Variants in NUTF2 observed in about 807,000 individuals in gnomAD.
The protein encoded by NUTF2 is placental protein 15.
In NUTF2, 3 loss-of-function variants were observed where a neutral mutation model predicts 18.5. The observed-to-expected ratio is 0.16, with a 90% CI of 0.07 to 0.42. The LOEUF (loss-of-function observed/expected upper bound fraction) is 0.42. NUTF2 is among the 10% of genes least tolerant of loss of function. The probability of loss-of-function intolerance (pLI) is 0.99; values close to 1 mark genes in which losing one functional copy is unlikely to be tolerated. For synonymous variants in NUTF2, 51 were observed against 57.9 expected, an observed-to-expected ratio of 0.88 and a Z score of 0.54; for missense variants, 44 against 160.7, an observed-to-expected ratio of 0.27 and a Z score of 3.93.
chr16:67,870,642 A>G (rs1304862615), intron 4 of NUTF2, 158 bp from the exon 5 acceptor site: 9 of 669,232 alleles, frequency 1.3e-5, no homozygotes, highest in Non-Finnish European at 2.5e-5. Flanking sequence ...CATTACATCA[A>G]TTCACATTCA....
chr16:67,865,647 A>G (rs2057965519), intron 2 of NUTF2, among the ~76,000 whole-genome samples: 1 of 151,936 alleles, frequency 6.6e-6, no homozygotes, highest in Non-Finnish European at 1.5e-5. Context: ...CTCATGGAAA[A>G]CAAATGAGGT....
intron 2 of NUTF2, among the ~76,000 whole-genome samples, chr16:67,866,490 C>T (rs1365735657): frequency 6.6e-6 from 1 of 151,098 alleles, no homozygotes; most frequent in Non-Finnish European, 1.5e-5. Context: ...TCTTGAGATG[C>T]AGTCTCACTC....
At chr16:67,868,644 G>A (rs759882925) in intron 4 of NUTF2, 45 bp downstream of exon 4, 1 of 1,562,168 alleles carries the variant, frequency 6.4e-7, no homozygotes, top group Non-Finnish European at 8.8e-7. Context: ...GCAGGCAGAG[G>A]AGAGTCTTGT....
chr16:67,868,993 C>T (rs1468286519), intron 4 of NUTF2, among the ~76,000 whole-genome samples: 1 of 152,100 alleles, frequency 6.6e-6, no homozygotes, highest in Non-Finnish European at 1.5e-5. Context: ...TGCGGAGAGG[C>T]AGTCCACTCC....
chr16:67,871,691 C>G lies in NUTF2; in HGVS notation c.*778C>G, dbSNP rs996034807. 4.1e-4 allele frequency: 63 copies of G among 152,426 alleles called. No homozygotes were observed. The highest frequency in any genetic ancestry group is 1.5e-3 in the African/African-American group (61 of 41,578). The allele number at this position is 152,426 out of a possible 1,614,324, so 9.4% of individuals were successfully genotyped here. A position where few individuals can be genotyped will look rare whatever the true frequency, so the allele number is the denominator to read the frequency against. Reference sequence around the variant, plus strand: ...AGCTGGAGAGGCCTTGGCAAAATGGCTCATCACGTTCAGGCCCTCCGGGCT... The same window carrying G: ...AGCTGGAGAGGCCTTGGCAAAATGGGTCATCACGTTCAGGCCCTCCGGGCT... On this transcript the variant is annotated 3_prime_UTR_variant, in exon 5 of 5. Coordinates refer to ENST00000219169, the MANE Select transcript of NUTF2 (RefSeq NM_005796.3).
At chr16:67,854,271 C>T (rs1185622228) in intron 1 of NUTF2, among the ~76,000 whole-genome samples, 1 of 152,170 alleles carries the variant, frequency 6.6e-6, no homozygotes, top group African/African-American at 2.4e-5. Flanking sequence ...CTTCTAGTCC[C>T]CTGCTTGGAG....
chr16:67,863,212 T>C (rs1400835988), intron 1 of NUTF2, among the ~76,000 whole-genome samples: 71 of 152,200 alleles, frequency 4.7e-4, no homozygotes, highest in Non-Finnish European at 7.3e-5. Flanking sequence ...TTGATTTCTT[T>C]CTTGGCAGAG....
rs563795060 is a variant in NUTF2 at position 67,872,191 on chromosome 16, T to G, written c.*1278T>G. On this transcript the variant is annotated 3_prime_UTR_variant, in exon 5 of 5. Coordinates refer to ENST00000219169, the MANE Select transcript of NUTF2 (RefSeq NM_005796.3). ...AAACCTAGTGGCAATGTAGCAACCA[T>G]AGGCTAGAACCAAACCCAAGATTTG... The G allele has an allele frequency of 6.6e-6, 1 of 152,372 alleles. No homozygotes were observed. Among genetic ancestry groups the G allele is most frequent in the East Asian group, 1.9e-4 (1 of 5,188 alleles). 9.4% of individuals were successfully genotyped at this position (152,372 alleles called of 1,614,324 possible). A position where few individuals can be genotyped will look rare whatever the true frequency, so the allele number is the denominator to read the frequency against.
At chr16:67,862,429 TTAC>T (rs1472792043) in intron 1 of NUTF2, among the ~76,000 whole-genome samples, 1 of 152,160 alleles carries the variant, frequency 6.6e-6, no homozygotes, top group African/African-American at 2.4e-5. Flanking sequence ...CTCAGAGAGC[TTAC>T]TCTTCCCCAC....
intron 1 of NUTF2, among the ~76,000 whole-genome samples, chr16:67,852,067 A>G (rs2057863625): frequency 6.6e-6 from 1 of 152,106 alleles, no homozygotes; most frequent in Non-Finnish European, 1.5e-5. Flanking sequence ...AAATTCTAGG[A>G]TTCAGCACCA....
intron 1 of NUTF2, 62 bp from the exon 2 acceptor site, chr16:67,865,040 A>T: frequency 1.3e-6 from 1 of 780,932 alleles, no homozygotes; most frequent in East Asian, 2.7e-5. Flanking sequence ...GGTGGGGGTC[A>T]GTGGCTGGTC....
rs998067727 is a variant in NUTF2, at chr16:67,854,446, T to C, written c.-30+7461T>C. Among the ~76,000 whole-genome samples, 5 of 152,238 alleles carry C rather than the reference T, an allele frequency of 3.3e-5. No individual in the cohort carries two copies. The East Asian group carries it at 7.7e-4, about 23-fold the overall frequency. The stretch of plus-strand genomic sequence containing the variant: ...CAGCAGACCTGGTCAGGGAGGCTCC[T>C]TGGATGTTCCTTCAACAGATGGCCC... On this transcript the variant is annotated intron_variant, in intron 1 of 4. Coordinates refer to ENST00000219169, the MANE Select transcript of NUTF2 (RefSeq NM_005796.3).
intron 1 of NUTF2, among the ~76,000 whole-genome samples, chr16:67,852,538 A>T (rs950748999): frequency 1.4e-4 from 22 of 151,934 alleles, no homozygotes; most frequent in Middle Eastern, 3.2e-3. Context: ...TAATATTTCT[A>T]GTAGAGATGG....
rs117951310 is a variant in NUTF2 at position 67,858,001 on chromosome 16, A to T, written c.-29-7101A>T. Among the ~76,000 whole-genome samples the T allele has an allele frequency of 5.1e-3, 779 of 152,248 alleles. 7 individuals are homozygous for T. Among genetic ancestry groups the T allele is most frequent in the Non-Finnish European group, 6.7e-3 (458 of 68,008 alleles). On this transcript the variant is annotated intron_variant, in intron 1 of 4. Transcript: ENST00000219169. ...ACACTCATGCACTTAGTCAACAAAT[A>T]GTTTGTTTGAGGGCTGGGCCAGGTA... is the stretch of plus-strand genomic sequence containing the variant.
At chr16:67,849,000 T>C (rs1567377578) in intron 1 of NUTF2, among the ~76,000 whole-genome samples, 1 of 152,250 alleles carries the variant, frequency 6.6e-6, no homozygotes. Flanking sequence ...TGCCTAGTTA[T>C]TCTCCCTGGT....
intron 1 of NUTF2, among the ~76,000 whole-genome samples, chr16:67,852,442 C>G (rs1459526272): frequency 6.6e-6 from 1 of 150,760 alleles, no homozygotes; most frequent in South Asian, 2.1e-4. Flanking sequence ...CTGCAACCCC[C>G]GCCCTCCGGG....
At chr16:67,850,040 C>G (rs915200775) in intron 1 of NUTF2, among the ~76,000 whole-genome samples, 3 of 152,150 alleles carry the variant, frequency 2.0e-5, no homozygotes, top group Non-Finnish European at 4.4e-5. Flanking sequence ...GATACTCCCA[C>G]CTCAGCCTCC....
chr16:67,871,156 G>C lies in NUTF2; in HGVS notation c.*243G>C, dbSNP rs1006692445. The C allele has an allele frequency of 3.2e-6, 1 of 309,144 alleles. No individual in the cohort carries two copies. Among genetic ancestry groups the C allele is most frequent in the African/African-American group, 2.3e-5 (1 of 42,606 alleles). 19.2% of individuals were successfully genotyped at this position (309,144 alleles called of 1,614,324 possible). A position where few individuals can be genotyped will look rare whatever the true frequency, so the allele number is the denominator to read the frequency against. ...TGGAAAGACTTAAGTAATGCAAAAG[G>C]TTGTCCTTTTTTTTTTTTTTTTTTT... On this transcript the variant is annotated 3_prime_UTR_variant, in exon 5 of 5. Coordinates refer to ENST00000219169, the MANE Select transcript of NUTF2 (RefSeq NM_005796.3).
intron 4 of NUTF2, among the ~76,000 whole-genome samples, chr16:67,869,551 C>T (rs1195964793): frequency 1.4e-4 from 21 of 151,030 alleles, no homozygotes; most frequent in African/African-American, 4.1e-4. Flanking sequence ...TTTGGGAGGC[C>T]GAGGCAGGCA....
Sources: allele counts gnomAD v4.1 joint callset (sites outside exome capture counted in the v4.1 genomes callset), GRCh38; gene constraint gnomAD v4.1.1; transcripts MANE v1.5; gene names NCBI Gene and HGNC (gene_info 2026-07-23, HGNC 2026-07-21).